Variants in SMURF1 observed in about 807,000 individuals in gnomAD.
SMURF1 encodes E3 ubiquitin-protein ligase SMURF1.
SMURF1 carries 44 observed loss-of-function variants against 98.0 expected under a neutral mutation model. The observed-to-expected ratio is 0.45, with a 90% CI of 0.35 to 0.58. SMURF1 has a LOEUF of 0.58. Among genes scored for constraint, SMURF1 ranks in the 20% least tolerant of loss-of-function variants. The pLI is 0.00. For missense variants in SMURF1, 687 were observed against 938.4 expected (o/e 0.73, Z 3.50); for synonymous variants, 396 against 374.9 (o/e 1.06, Z -0.65).
intron 1 of SMURF1, among the ~76,000 whole-genome samples, chr7:99,140,782 T>C (rs1798103447): frequency 6.7e-6 from 1 of 150,274 alleles, no homozygotes; most frequent in Non-Finnish European, 1.5e-5. Flanking sequence ...ATATCCCTCA[T>C]TTTTAACAGT....
chr7:99,117,448 A>C (rs1263008716), intron 1 of SMURF1, among the ~76,000 whole-genome samples: 1 of 152,000 alleles, frequency 6.6e-6, no homozygotes, highest in Non-Finnish European at 1.5e-5. Flanking sequence ...TCCTGGGTTC[A>C]AGCGATTCTC....
intron 1 of SMURF1, among the ~76,000 whole-genome samples, chr7:99,105,001 G>A (rs1206222172): frequency 6.6e-6 from 1 of 152,224 alleles, no homozygotes; most frequent in Non-Finnish European, 1.5e-5. Context: ...ATGAGCCAAA[G>A]TCAGTTTCTG....
In SMURF1 at chr7:99,143,595, G is replaced by A. The variant is rs1022140681; in HGVS notation, c.55+131C>T. 1.0e-4 allele frequency: 71 copies of A among 701,274 alleles called. No individual in the cohort carries two copies. The African/African-American group carries it at 1.3e-3, about 13-fold the overall frequency. The allele number at this position is 701,274 out of a possible 1,614,324, so 43.4% of individuals were successfully genotyped here. On this transcript the variant is annotated intron_variant, in intron 1 of 17. Transcript: ENST00000361368. ...CAGGAGGGAGAAGCGAGGGGCGCAC[G>A]CCGAAGGGGGTGACGAGGTCCTGGG...
intron 1 of SMURF1, among the ~76,000 whole-genome samples, chr7:99,062,928 G>A (rs1386734556): frequency 6.6e-6 from 1 of 151,774 alleles, no homozygotes; most frequent in Non-Finnish European, 1.5e-5. Context: ...TGAGTAATGA[G>A]GTAGTATCAA....
intron 1 of SMURF1, among the ~76,000 whole-genome samples, chr7:99,093,715 C>T (rs1796867531): frequency 6.6e-6 from 1 of 151,918 alleles, no homozygotes; most frequent in African/African-American, 2.4e-5. Flanking sequence ...ATTTAGAAAA[C>T]TTAACCTATG....
chr7:99,136,221 G>A (rs1013350473), intron 1 of SMURF1, among the ~76,000 whole-genome samples: 25 of 152,170 alleles, frequency 1.6e-4, no homozygotes, highest in African/African-American at 5.8e-4. Flanking sequence ...GAAGAAGAGA[G>A]AAAATAGGGT....
chr7:99,113,712 G>A (rs751979834), intron 1 of SMURF1, among the ~76,000 whole-genome samples: 1 of 151,636 alleles, frequency 6.6e-6, no homozygotes, highest in Non-Finnish European at 1.5e-5. Context: ...TGGTGGCGGG[G>A]CCTGTGGTCC....
intron 1 of SMURF1, among the ~76,000 whole-genome samples, chr7:99,074,966 A>G (rs765846464): frequency 4.6e-5 from 7 of 152,226 alleles, no homozygotes; most frequent in Non-Finnish European, 7.3e-5. Flanking sequence ...AATCATTGGT[A>G]CAATGCACAA....
intron 1 of SMURF1, among the ~76,000 whole-genome samples, chr7:99,111,516 T>C (rs796751176): frequency 1.1e-4 from 17 of 152,294 alleles, no homozygotes; most frequent in African/African-American, 3.8e-4. Flanking sequence ...CACCAGACAA[T>C]GGACTAAGAC....
intron 1 of SMURF1, among the ~76,000 whole-genome samples, chr7:99,063,144 T>C (rs570004595): frequency 3.4e-5 from 5 of 147,792 alleles, no homozygotes; most frequent in South Asian, 2.1e-4. Flanking sequence ...CTTCGTTTTA[T>C]AAAACTAAGT....
chr7:99,043,669 A>C (rs1443482613), intron 11 of SMURF1, among the ~76,000 whole-genome samples: 1 of 152,238 alleles, frequency 6.6e-6, no homozygotes. Context: ...TTCATTTGGC[A>C]CATATTTACA....
At chr7:99,142,675 G>C (rs1480019304) in intron 1 of SMURF1, among the ~76,000 whole-genome samples, 2 of 115,672 alleles carry the variant, frequency 1.7e-5, no homozygotes, top group African/African-American at 6.6e-5. Flanking sequence ...ATGGGGGAGT[G>C]AGAAGAGGGT....
At chr7:99,035,958 G>C in intron 15 of SMURF1, 1 of 543,458 alleles carries the variant, frequency 1.8e-6, no homozygotes, top group Middle Eastern at 5.1e-4. Context: ...CTGTTGATGG[G>C]ATGTTATTTT....
At chr7:99,136,881 T>G (rs117894093) in intron 1 of SMURF1, among the ~76,000 whole-genome samples, 5,252 of 152,164 alleles carry the variant, frequency 0.035, 135 homozygotes, top group Non-Finnish European at 0.052. Flanking sequence ...GCCCAAGAAG[T>G]CGAGGCTGCA....
At chr7:99,096,451 A>C (rs1796958083) in intron 1 of SMURF1, among the ~76,000 whole-genome samples, 1 of 152,240 alleles carries the variant, frequency 6.6e-6, no homozygotes, top group African/African-American at 2.4e-5. Flanking sequence ...ATAAAGAACC[A>C]GCGAAATTGC....
intron 1 of SMURF1, 51 bp from the exon 2 acceptor site, chr7:99,061,888 T>C: frequency 7.4e-7 from 1 of 1,359,314 alleles, no homozygotes. Context: ...GAGATTTCCA[T>C]AATAGCTAAT....
intron 16 of SMURF1, among the ~76,000 whole-genome samples, chr7:99,034,696 G>A (rs1562995828): frequency 6.6e-6 from 1 of 152,184 alleles, no homozygotes; most frequent in Non-Finnish European, 1.5e-5. Context: ...GAGGCTCCCA[G>A]ATACGAGCGG....
intron 1 of SMURF1, among the ~76,000 whole-genome samples, chr7:99,128,821 G>A (rs544429176): frequency 1.8e-4 from 27 of 152,264 alleles, no homozygotes; most frequent in African/African-American, 4.8e-4. Context: ...CAATAGCAAC[G>A]ATGTCCAAAA....
chr7:99,054,464 G>A (rs990675760), intron 6 of SMURF1, among the ~76,000 whole-genome samples: 12 of 152,026 alleles, frequency 7.9e-5, no homozygotes, highest in African/African-American at 2.4e-4. Context: ...CCACCACCAC[G>A]CCTGGCTAAT....
Sources: allele counts gnomAD v4.1 joint callset (sites outside exome capture counted in the v4.1 genomes callset), GRCh38; gene constraint gnomAD v4.1.1; transcripts MANE v1.5; gene names NCBI Gene and HGNC (gene_info 2026-07-23, HGNC 2026-07-21).